Variants in MYSM1 observed in about 807,000 individuals in gnomAD.
The protein encoded by MYSM1 is deubiquitinase MYSM1.
A neutral mutation model predicts 116.0 loss-of-function variants in MYSM1; 51 were observed. The observed-to-expected ratio is 0.44, with a 90% confidence interval of 0.35 to 0.56. The LOEUF is 0.56. MYSM1 is among the 20% of genes least tolerant of loss of function. MYSM1 has a pLI of 0.00. For synonymous variants in MYSM1, 313 were observed against 315.2 expected, an observed-to-expected ratio of 0.99 and a Z score of 0.07; for missense variants, 900 against 974.9, an observed-to-expected ratio of 0.92 and a Z score of 1.02.
intron 3 of MYSM1, 105 bp downstream of exon 3, chr1:58,692,756 G>A (rs1472317879): frequency 1.4e-4 from 103 of 719,348 alleles, no homozygotes; most frequent in Middle Eastern, 2.6e-4. Flanking sequence ...GCAGTCTGGT[G>A]CTGTATAAAA....
intron 2 of MYSM1, 113 bp downstream of exon 2, chr1:58,695,016 A>G (rs545339355): frequency 2.3e-4 from 118 of 502,396 alleles, no homozygotes; most frequent in Non-Finnish European, 3.9e-4. Flanking sequence ...AAAGAAAAAT[A>G]TTATATCTGT....
intron 7 of MYSM1, among the ~76,000 whole-genome samples, 175 bp downstream of exon 7, chr1:58,684,978 G>A (rs1644806412): frequency 1.3e-5 from 2 of 152,068 alleles, no homozygotes; most frequent in South Asian, 4.1e-4. Context: ...CCTATTTAAT[G>A]GCAATACTCA....
intron 8 of MYSM1, among the ~76,000 whole-genome samples, chr1:58,680,026 C>CAAA (rs6143231): frequency 0.015 from 1,890 of 126,508 alleles, 60 homozygotes; most frequent in African/African-American, 0.053. Flanking sequence ...GACTCTGTCT[C>CAAA]AAAAAAAAAA....
Position 58,681,961 on chromosome 1 carries a change from T to G in MYSM1, c.1083A>C (p.Gln361His), listed in dbSNP as rs200364577. The G allele has an allele frequency of 1.2e-6, 2 of 1,614,148 alleles. No homozygotes were observed. The highest frequency in any genetic ancestry group is 8.5e-7 in the Non-Finnish European group (1 of 1,180,032). Residue 361 changes from glutamine (Q) to histidine (H), a missense_variant, in exon 8 of 20, where the codon CAA becomes CAC. Transcript: ENST00000472487. The part of the protein sequence containing the change: ...NDNEMLFHSC[Q>H]MVEESHEEEE... ...CTTCCTCATGGCTTTCCTCTACCAT[T>G]TGGCAAGAATGAAAAAGCATTTCAT...
In MYSM1 at chr1:58,685,239, G is replaced by A. The variant is rs866468317; in HGVS notation, c.412C>T (p.Arg138Ter). The change falls in exon 7 of 20, where the codon CGA becomes TGA. Residue 138 changes from arginine (R) to a stop codon, truncating the protein, a stop_gained. Coordinates refer to ENST00000472487, the MANE Select transcript of MYSM1 (RefSeq NM_001085487.3). LOFTEE classifies it high-confidence loss of function. ...AGCTTTGAAATTTTGGTCCATCTTC[G>A]GCCAAATTTAGCCTGTATTATTAAA... ...LFEQGLAKFG[R>*]RWTKISKLIG... The A allele has an allele frequency of 1.2e-6, 2 of 1,605,072 alleles. No individual in the cohort carries two copies. Among genetic ancestry groups the A allele is most frequent in the Admixed American group, 1.7e-5 (1 of 58,322 alleles).
chr1:58,686,745 G>C (rs1644833129), intron 6 of MYSM1, among the ~76,000 whole-genome samples: 1 of 152,178 alleles, frequency 6.6e-6, no homozygotes, highest in Admixed American at 6.5e-5. Context: ...GTAGCATGGA[G>C]CATTTGTGGA....
chr1:58,687,812 C>T (rs1045592449), intron 6 of MYSM1, among the ~76,000 whole-genome samples: 4 of 151,746 alleles, frequency 2.6e-5, no homozygotes, highest in African/African-American at 4.9e-5. Context: ...CCTCTTCTGC[C>T]GATACCTATA....
chr1:58,688,542 A>C (rs1430004256), intron 6 of MYSM1, among the ~76,000 whole-genome samples: 1 of 151,852 alleles, frequency 6.6e-6, no homozygotes, highest in African/African-American at 2.4e-5. Flanking sequence ...AATAGATTTC[A>C]GTGTAATAGA....
intron 3 of MYSM1, 44 bp from the exon 4 acceptor site, chr1:58,690,461 T>C: frequency 7.4e-7 from 1 of 1,345,984 alleles, no homozygotes; most frequent in Middle Eastern, 1.9e-4. Context: ...ATTACAGTCA[T>C]GTAATTTTTA....
At position 58,673,708 on chromosome 1, in the gene MYSM1, C is replaced by A. The variant is rs950073279; in HGVS notation, c.1495-58G>T. 7.6e-6 allele frequency: 10 copies of A among 1,310,298 alleles called. No individual in the cohort carries two copies. In the African/African-American group the frequency reaches 1.3e-4, roughly 17 times the overall value. The allele number at this position is 1,310,298 out of a possible 1,614,324, so 81.2% of individuals were successfully genotyped here. ...CAAGATTAATATGGAGAAATCATAGCACATTAATACACAAAATGAAAACAA... is the reference window on the plus strand; with the variant it reads ...CAAGATTAATATGGAGAAATCATAGAACATTAATACACAAAATGAAAACAA... On this transcript the variant is annotated intron_variant, in intron 10 of 19. Transcript: ENST00000472487.
At position 58,667,219 on chromosome 1, in the gene MYSM1, G is replaced by C; in HGVS notation, c.1850C>G (p.Ala617Gly). ...SEVDKVVEVCAAEPCNSLSTG... is the reference protein window; with the variant it reads ...SEVDKVVEVCGAEPCNSLSTG... ...ACTCAGACTGTTACATGGTTCTGCTGCACAGACCTATAAACGATTGATCCT... is the reference window on the plus strand; with the variant it reads ...ACTCAGACTGTTACATGGTTCTGCTCCACAGACCTATAAACGATTGATCCT... Residue 617 changes from alanine to glycine, a missense_variant, in exon 16 of 20, where the codon GCA (alanine) becomes GGA (glycine). Ala to Gly is a moderately conservative substitution (Grantham distance 60, BLOSUM62 0). This residue lies in a region of MYSM1 where 92 missense variants were observed against 155.0 expected (regional missense o/e 0.59). Transcript: ENST00000472487. The C allele has an allele frequency of 6.4e-7, 1 of 1,565,480 alleles. No homozygotes were observed. Among genetic ancestry groups the C allele is most frequent in the Non-Finnish European group, 8.7e-7 (1 of 1,152,926 alleles).
At chr1:58,693,215 G>A (rs1004892756) in intron 2 of MYSM1, among the ~76,000 whole-genome samples, 6 of 152,016 alleles carry the variant, frequency 3.9e-5, no homozygotes, top group Non-Finnish European at 5.9e-5. Context: ...GGTAATAATC[G>A]CCATTCAAAA....
chr1:58,672,373 A>T (rs751033826), intron 11 of MYSM1, among the ~76,000 whole-genome samples: 34 of 152,150 alleles, frequency 2.2e-4, no homozygotes, highest in Non-Finnish European at 4.7e-4. Flanking sequence ...GTTATTTACT[A>T]GCTTGGTGAC....
At chr1:58,666,847 T>A (rs1451844677) in intron 16 of MYSM1, among the ~76,000 whole-genome samples, 191 bp downstream of exon 16, 1 of 150,906 alleles carries the variant, frequency 6.6e-6, no homozygotes, top group African/African-American at 2.4e-5. Flanking sequence ...GCACTCCAGC[T>A]TGGGCAACAA....
chr1:58,685,335 A>G (rs1644812442), intron 6 of MYSM1, 84 bp from the exon 7 acceptor site: 1 of 809,062 alleles, frequency 1.2e-6, no homozygotes, highest in Non-Finnish European at 1.9e-6. Flanking sequence ...TAAAAAAAAA[A>G]AAACTTAAAA....
chr1:58,685,341 T>TA (rs1331965343), intron 6 of MYSM1, 90 bp from the exon 7 acceptor site: 270 of 690,174 alleles, frequency 3.9e-4, no homozygotes, highest in South Asian at 5.6e-4. Flanking sequence ...AAAAAAAACT[T>TA]AAAAAAAAAT....
chr1:58,698,102 A>ATATATATATATTTTTTTTTT, intron 1 of MYSM1, among the ~76,000 whole-genome samples: 3 of 7,764 alleles, frequency 3.9e-4, no homozygotes, highest in African/African-American at 7.7e-4. Flanking sequence ...ATATATATAT[A>ATATATATATATTTTTTTTTT]TTTTTTTTTT....
chr1:58,658,649 C>A lies in MYSM1; in HGVS notation c.*1348G>T, dbSNP rs1016652328. The A allele has an allele frequency of 6.6e-6, 1 of 152,000 alleles. No individual in the cohort carries two copies. The highest frequency in any genetic ancestry group is 2.4e-5 in the African/African-American group (1 of 41,388). 9.4% of individuals were successfully genotyped at this position (152,000 alleles called of 1,614,324 possible). On this transcript the variant is annotated 3_prime_UTR_variant, in exon 20 of 20. Coordinates refer to ENST00000472487, the MANE Select transcript of MYSM1 (RefSeq NM_001085487.3). Reference sequence around the variant, plus strand: ...TCAATCTGATTTAGATATAAGGAAACGTTAGTAAGAATGTTTGGTGAATAG... The same window carrying A: ...TCAATCTGATTTAGATATAAGGAAAAGTTAGTAAGAATGTTTGGTGAATAG...
chr1:58,696,923 G>A (rs1644982964), intron 1 of MYSM1, among the ~76,000 whole-genome samples: 1 of 152,182 alleles, frequency 6.6e-6, no homozygotes, highest in Non-Finnish European at 1.5e-5. Flanking sequence ...ACTGGGGAGT[G>A]AAGAGAATAA....
Sources: allele counts gnomAD v4.1 joint callset (sites outside exome capture counted in the v4.1 genomes callset), GRCh38; gene constraint gnomAD v4.1.1; regional missense constraint gnomAD v4.1.1; transcripts MANE v1.5; gene names NCBI Gene and HGNC (gene_info 2026-07-23, HGNC 2026-07-21).